NHERF2: variants seen among roughly 807,000 people sequenced by gnomAD.
NHERF2 encodes Na(+)/H(+) exchange regulatory cofactor NHE-RF2.
At chr16:2,028,929 G>A in the NHERF2 span, among the ~76,000 whole-genome samples, 3 of 152,306 alleles carry the variant, frequency 2.0e-5, no homozygotes, top group Admixed American at 1.3e-4. Context: ...CCCCCTCGCC[G>A]GCTGCACCTG....
the NHERF2 span, among the ~76,000 whole-genome samples, chr16:2,028,936 C>T: frequency 6.6e-6 from 1 of 152,250 alleles, no homozygotes; most frequent in Non-Finnish European, 1.5e-5. Flanking sequence ...GCCGGCTGCA[C>T]CTGAATCCTG....
the NHERF2 span, among the ~76,000 whole-genome samples, chr16:2,034,776 G>A: frequency 2.7e-5 from 4 of 145,598 alleles, no homozygotes. Context: ...CCTGGGGGCT[G>A]TGCTCCACTT....
chr16:2,037,524 C>T, the NHERF2 span: 3 of 1,607,006 alleles, frequency 1.9e-6, no homozygotes, highest in African/African-American at 1.3e-5. Flanking sequence ...CACAATCTGC[C>T]CTTGGTTTCC....
chr16:2,038,141 C>G, the NHERF2 span: 3 of 884,856 alleles, frequency 3.4e-6, no homozygotes, highest in Non-Finnish European at 5.1e-6. Context: ...CCTGCCCCTG[C>G]CCACCAGGTA....
chr16:2,033,241 G>T, the NHERF2 span: 1 of 1,515,004 alleles, frequency 6.6e-7, no homozygotes, highest in African/African-American at 1.4e-5. Context: ...CATCCCCGGG[G>T]AGCCAGGGCC....
the NHERF2 span, chr16:2,035,766 C>G: frequency 1.2e-6 from 1 of 807,690 alleles, no homozygotes; most frequent in Non-Finnish European, 1.5e-6. Context: ...GTGCCCTGTC[C>G]ACACTAAGCT....
At chr16:2,036,203 G>T in the NHERF2 span, 1 of 1,038,686 alleles carries the variant, frequency 9.6e-7, no homozygotes, top group African/African-American at 1.6e-5. Flanking sequence ...TTGCCACTGA[G>T]ACCTGGGCCT....
At chr16:2,036,789 G>A in the NHERF2 span, 277 of 1,613,508 alleles carry the variant, frequency 1.7e-4, no homozygotes, top group African/African-American at 1.4e-3. Context: ...ATCAAGGCAC[G>A]GGAGGACGAG....
chr16:2,038,040 T>G, the NHERF2 span: 1 of 1,592,588 alleles, frequency 6.3e-7, no homozygotes, highest in Non-Finnish European at 8.6e-7. Flanking sequence ...ACCTTGGGCC[T>G]CAGCCTGCCC....
the NHERF2 span, chr16:2,036,528 G>T: frequency 1.9e-6 from 3 of 1,562,202 alleles, no homozygotes; most frequent in Non-Finnish European, 1.7e-6. Flanking sequence ...GGGCTGCGGG[G>T]TGCCGAGTGC....
the NHERF2 span, chr16:2,038,262 A>C: frequency 4.8e-5 from 27 of 562,704 alleles, no homozygotes; most frequent in East Asian, 6.7e-4. Context: ...ACAGAGAGAG[A>C]GCGAGCGAGC....
the NHERF2 span, chr16:2,029,630 G>T: frequency 6.3e-7 from 1 of 1,578,942 alleles, no homozygotes; most frequent in South Asian, 1.2e-5. Flanking sequence ...GCTGCTGGTG[G>T]TGGACCAGGA....
the NHERF2 span, chr16:2,036,718 G>C: frequency 6.2e-7 from 1 of 1,610,444 alleles, no homozygotes; most frequent in South Asian, 1.1e-5. Context: ...ATACATGCTG[G>C]TGGCGGCAGG....
At chr16:2,037,984 A>G in the NHERF2 span, 10 of 1,613,344 alleles carry the variant, frequency 6.2e-6, no homozygotes, top group South Asian at 1.1e-4. Context: ...GCAACTTCTG[A>G]GCCCCTTCCT....
the NHERF2 span, chr16:2,035,555 C>T: frequency 3.0e-5 from 30 of 987,142 alleles, no homozygotes; most frequent in Middle Eastern, 5.2e-4. Flanking sequence ...CTCCGGCCAC[C>T]GCCATGTTTA....
At chr16:2,036,257 A>C in the NHERF2 span, 1 of 1,480,300 alleles carries the variant, frequency 6.8e-7, no homozygotes, top group East Asian at 2.4e-5. Flanking sequence ...TGGCGGCACC[A>C]CCGGGGAGTG....
the NHERF2 span, chr16:2,035,688 C>T: frequency 2.0e-6 from 2 of 985,580 alleles, no homozygotes; most frequent in Non-Finnish European, 2.4e-6. Context: ...CCGCAGGATG[C>T]CAGAGGTAAC....
At chr16:2,035,120 A>C in the NHERF2 span, among the ~76,000 whole-genome samples, 1 of 152,024 alleles carries the variant, frequency 6.6e-6, no homozygotes, top group African/African-American at 2.4e-5. Context: ...GGTGGGCAGG[A>C]GGCTTCAGAT....
chr16:2,037,661 G>A, the NHERF2 span: 66 of 1,580,778 alleles, frequency 4.2e-5, no homozygotes, highest in East Asian at 4.1e-4. Context: ...TGGGGTAGGC[G>A]TCTGTGGAGA....
Sources: allele counts gnomAD v4.1 joint callset (sites outside exome capture counted in the v4.1 genomes callset), GRCh38; gene constraint gnomAD v4.1.1; transcripts MANE v1.5; gene names NCBI Gene and HGNC (gene_info 2026-07-23, HGNC 2026-07-21).